Variants in PRORP observed in about 807,000 individuals in gnomAD.
PRORP encodes protein only RNase P catalytic subunit, also known as mitochondrial ribonuclease P catalytic subunit.
PRORP carries 51 observed loss-of-function variants against 59.4 expected under a neutral mutation model. That is an observed-to-expected ratio of 0.86 (90% CI 0.69 to 1.08). The LOEUF (loss-of-function observed/expected upper bound fraction) is 1.08, where lower values mean the gene tolerates loss of function less well. PRORP is among the 50% of genes least tolerant of loss of function. The pLI, the probability that PRORP is intolerant of heterozygous loss-of-function variation, is 0.00. For missense variants in PRORP, 646 were observed against 690.3 expected (o/e 0.94, Z 0.72); for synonymous variants, 231 against 245.6 (o/e 0.94, Z 0.55).
rs142011061 is a variant in PRORP, at chr14:35,157,931, G to T, written c.1168-22739G>T. 15 of 187,264 alleles carry T rather than the reference G, an allele frequency of 8.0e-5. No homozygotes were observed. The East Asian group carries it at 2.0e-3, about 25-fold the overall frequency. 11.6% of individuals were successfully genotyped at this position (187,264 alleles called of 1,614,324 possible). The stretch of plus-strand genomic sequence containing the variant: ...AGATCTCTTTATTCTTTTTCTTTTT[G>T]AAGGTTCTCAAAGAGTTTTGTTCTG... On this transcript the variant is annotated intron_variant, in intron 4 of 7. Coordinates refer to ENST00000534898, the MANE Select transcript of PRORP (RefSeq NM_014672.4).
intron 5 of PRORP, among the ~76,000 whole-genome samples, chr14:35,209,831 T>C (rs1461340209): frequency 6.6e-6 from 1 of 152,150 alleles, no homozygotes. Context: ...CCACCATGCC[T>C]GGCCTCTCTT....
At chr14:35,188,097 G>A (rs1378727235) in intron 5 of PRORP, among the ~76,000 whole-genome samples, 4 of 151,302 alleles carry the variant, frequency 2.6e-5, no homozygotes. Context: ...CTCCCAAAGT[G>A]TGGGGCTTAT....
At chr14:35,265,071 A>G (rs2051008747) in intron 5 of PRORP, among the ~76,000 whole-genome samples, 1 of 152,246 alleles carries the variant, frequency 6.6e-6, no homozygotes. Flanking sequence ...CAACGTGTAT[A>G]TTGGATATAA....
intron 7 of PRORP, 81 bp downstream of exon 7, chr14:35,270,677 C>G: frequency 7.8e-7 from 1 of 1,274,446 alleles, no homozygotes; most frequent in Non-Finnish European, 1.1e-6. Flanking sequence ...AGTGTCACAA[C>G]TAATTGAAGG....
chr14:35,209,043 T>A (rs967912064), intron 5 of PRORP, among the ~76,000 whole-genome samples: 22 of 150,958 alleles, frequency 1.5e-4, no homozygotes, highest in African/African-American at 4.1e-4. Context: ...AAAATAAAAA[T>A]AAAAATAAAT....
chr14:35,214,106 T>A (rs529091400), intron 5 of PRORP, among the ~76,000 whole-genome samples: 1 of 152,330 alleles, frequency 6.6e-6, no homozygotes, highest in East Asian at 1.9e-4. Context: ...TGTCAGAATG[T>A]TCATTTGTTT....
chr14:35,164,184 G>A (rs1338780397), intron 4 of PRORP, among the ~76,000 whole-genome samples: 2 of 152,156 alleles, frequency 1.3e-5, no homozygotes, highest in Non-Finnish European at 2.9e-5. Flanking sequence ...CTTATACACT[G>A]TTGATGGGAT....
intron 4 of PRORP, among the ~76,000 whole-genome samples, chr14:35,152,722 C>T (rs2047799899): frequency 6.7e-6 from 1 of 149,666 alleles, no homozygotes; most frequent in African/African-American, 2.5e-5. Context: ...GACGGGTCGG[C>T]CGGGCAGAGA....
At chr14:35,159,898 A>T (rs2048015110) in intron 4 of PRORP, among the ~76,000 whole-genome samples, 11 of 152,180 alleles carry the variant, frequency 7.2e-5, no homozygotes, top group Admixed American at 7.2e-4. Context: ...AGACTGGTGT[A>T]TGTTTTCTGA....
At position 35,274,417 on chromosome 14, in the gene PRORP, G is replaced by A. The variant is rs1335828642; in HGVS notation, c.*851G>A. 6.6e-6 allele frequency: 1 copy of A among 151,682 alleles called. No individual in the cohort carries two copies. The highest frequency in any genetic ancestry group is 6.6e-5 in the Admixed American group (1 of 15,168). 9.4% of individuals were successfully genotyped at this position (151,682 alleles called of 1,614,324 possible). A position where few individuals can be genotyped will look rare whatever the true frequency, so the allele number is the denominator to read the frequency against. ...ATCCCCAGCAATTTGGGAGATTGAAGCGAGAGAATCACTTGAGTCTAGGAG... is the reference window on the plus strand; with the variant it reads ...ATCCCCAGCAATTTGGGAGATTGAAACGAGAGAATCACTTGAGTCTAGGAG... On this transcript the variant is annotated 3_prime_UTR_variant, in exon 8 of 8. Transcript: ENST00000534898.
At chr14:35,215,316 G>C (rs192433219) in intron 5 of PRORP, among the ~76,000 whole-genome samples, 1 of 152,174 alleles carries the variant, frequency 6.6e-6, no homozygotes, top group East Asian at 1.9e-4. Flanking sequence ...CTGAACAATG[G>C]TAGAATCTCA....
Position 35,159,066 on chromosome 14 carries a change from C to T in PRORP, c.1168-21604C>T, listed in dbSNP as rs80112105. On this transcript the variant is annotated intron_variant, in intron 4 of 7. Transcript: ENST00000534898. ...AGAAGAACCACGGTGCTGCTGTTGACGCTCCTCTCCTAATCAGCAGTGGAT... is the reference window on the plus strand; with the variant it reads ...AGAAGAACCACGGTGCTGCTGTTGATGCTCCTCTCCTAATCAGCAGTGGAT... 95 of 235,016 alleles carry T rather than the reference C, an allele frequency of 4.0e-4. 1 individual carries two copies. The East Asian group carries it at 9.4e-3, about 23-fold the overall frequency. The allele number at this position is 235,016 out of a possible 1,614,324, so 14.6% of individuals were successfully genotyped here.
chr14:35,179,355 CCT>C (rs1286229632), intron 4 of PRORP, among the ~76,000 whole-genome samples: 6 of 152,168 alleles, frequency 3.9e-5, no homozygotes, highest in Non-Finnish European at 7.3e-5. Flanking sequence ...TTCCATTCTC[CCT>C]GTCACTTTCA....
chr14:35,261,420 T>C lies in PRORP; in HGVS notation c.1276-5307T>C, dbSNP rs2050899051. Among the ~76,000 whole-genome samples, 2 of 152,184 alleles carry C rather than the reference T, an allele frequency of 1.3e-5. 1 individual carries two copies. The highest frequency in any genetic ancestry group is 6.3e-3 in the Middle Eastern group (2 of 316). ...TAACATAGAATCTTAAGTTGAATTT[T>C]CTGTCTTTTTAAAAAAATTATTCCA... On this transcript the variant is annotated intron_variant, in intron 5 of 7. Coordinates refer to ENST00000534898, the MANE Select transcript of PRORP (RefSeq NM_014672.4).
At position 35,251,940 on chromosome 14, in the gene PRORP, G is replaced by A. The variant is rs571011478; in HGVS notation, c.1276-14787G>A. ...GGGTCGGGGAGGCACAGGTGCAGGCGGGAGGGTACCTGAGGAATTCCTACC... is the reference window on the plus strand; with the variant it reads ...GGGTCGGGGAGGCACAGGTGCAGGCAGGAGGGTACCTGAGGAATTCCTACC... On this transcript the variant is annotated intron_variant, in intron 5 of 7. Coordinates refer to ENST00000534898, the MANE Select transcript of PRORP (RefSeq NM_014672.4). Among the ~76,000 whole-genome samples the A allele has an allele frequency of 3.5e-4, 54 of 152,150 alleles. 1 individual carries two copies. The South Asian group carries it at 9.5e-3, about 27-fold the overall frequency.
intron 4 of PRORP, among the ~76,000 whole-genome samples, chr14:35,131,363 G>C (rs541790156): frequency 6.6e-6 from 1 of 152,252 alleles, no homozygotes; most frequent in South Asian, 2.1e-4. Context: ...ATGTCTGAAG[G>C]ATATTTTCAC....
intron 4 of PRORP, among the ~76,000 whole-genome samples, chr14:35,167,606 T>G (rs1216656659): frequency 1.3e-5 from 2 of 152,200 alleles, no homozygotes; most frequent in African/African-American, 4.8e-5. Flanking sequence ...AAGGCAGTCA[T>G]GTTAATGTTC....
At position 35,123,772 on chromosome 14, in the gene PRORP, A is replaced by T. The variant is rs2047011040; in HGVS notation, c.527A>T (p.Asp176Val). 1 of 1,614,198 alleles carries T rather than the reference A, an allele frequency of 6.2e-7. No homozygotes were observed. The highest frequency in any genetic ancestry group is 8.5e-7 in the Non-Finnish European group (1 of 1,180,040). Residue 176 changes from aspartate to valine, a missense_variant, in exon 2 of 8, where the codon GAT becomes GTT. By Grantham distance (152) the Asp-to-Val change is radical. Transcript: ENST00000534898. ...AAAAATAATGGTATTGTAAGTTACG[A>T]TTTACTGGTCAAGTATTTGTATCTC... ...AAKNNGIVSY[D>V]LLVKYLYLCV...
upstream of PRORP, chr14:35,121,966 C>T (rs367672588): frequency 1.1e-4 from 172 of 1,614,070 alleles, no homozygotes; most frequent in Non-Finnish European, 1.3e-4. Flanking sequence ...CCATGGCCGA[C>T]TTCCGCGCAG....
Sources: allele counts gnomAD v4.1 joint callset (sites outside exome capture counted in the v4.1 genomes callset), GRCh38; gene constraint gnomAD v4.1.1; transcripts MANE v1.5; gene names NCBI Gene and HGNC (gene_info 2026-07-23, HGNC 2026-07-21).